HDAC9: variants seen among roughly 807,000 people sequenced by gnomAD.
HDAC9 encodes MEF-2 interacting transcription repressor (MITR) protein.
A neutral mutation model predicts 139.4 loss-of-function variants in HDAC9; 41 were observed. That is an observed-to-expected ratio of 0.29 (90% CI 0.23 to 0.38). The LOEUF is 0.38. HDAC9 is among the 10% of genes least tolerant of loss of function. The pLI is 1.00. For missense variants in HDAC9, 1,147 were observed against 1,297.0 expected, an observed-to-expected ratio of 0.88 and a Z score of 1.78; for synonymous variants, 517 against 476.2, an observed-to-expected ratio of 1.09 and a Z score of -1.12.
At chr7:18,457,826 A>G (rs1170092974) in intron 1 of HDAC9, among the ~76,000 whole-genome samples, 1 of 151,178 alleles carries the variant, frequency 6.6e-6, no homozygotes, top group African/African-American at 2.4e-5. Context: ...TTCTAAATTG[A>G]TTTTTCCTTG....
chr7:18,341,376 A>G (rs1781996965), intron 1 of HDAC9, among the ~76,000 whole-genome samples: 1 of 151,734 alleles, frequency 6.6e-6, no homozygotes. Flanking sequence ...AAATATATGT[A>G]ACTTAAAATG....
intron 1 of HDAC9, among the ~76,000 whole-genome samples, chr7:18,133,553 A>G (rs967514920): frequency 6.6e-6 from 1 of 152,138 alleles, no homozygotes; most frequent in African/African-American, 2.4e-5. Flanking sequence ...CCTGGGCTCA[A>G]TTTTGCAATT....
intron 1 of HDAC9, among the ~76,000 whole-genome samples, chr7:18,415,919 T>G (rs1789012424): frequency 6.6e-6 from 1 of 152,164 alleles, no homozygotes; most frequent in African/African-American, 2.4e-5. Context: ...CATCTATGCA[T>G]TTTTTTGTGA....
intron 24 of HDAC9, among the ~76,000 whole-genome samples, chr7:18,966,103 ATT>A (rs1783827920): frequency 6.6e-6 from 1 of 152,182 alleles, no homozygotes; most frequent in South Asian, 2.1e-4. Flanking sequence ...AGCTTCTATC[ATT>A]GTTTCCTCTG....
intron 24 of HDAC9, among the ~76,000 whole-genome samples, chr7:18,969,279 A>C (rs1439271422): frequency 1.3e-5 from 2 of 152,220 alleles, no homozygotes; most frequent in Non-Finnish European, 2.9e-5. Context: ...TACACAAGGC[A>C]TCAAACAGAG....
intron 1 of HDAC9, among the ~76,000 whole-genome samples, chr7:18,118,589 T>G (rs1784167653): frequency 6.6e-6 from 1 of 152,240 alleles, no homozygotes; most frequent in Non-Finnish European, 1.5e-5. Context: ...AATGATATAG[T>G]TGCTATTATT....
At chr7:18,153,666 T>C (rs1178460856) in intron 1 of HDAC9, among the ~76,000 whole-genome samples, 1 of 152,128 alleles carries the variant, frequency 6.6e-6, no homozygotes, top group Non-Finnish European at 1.5e-5. Flanking sequence ...TTGATTTAGT[T>C]CTAGGAAGTC....
chr7:18,870,664 A>G (rs1450890245), intron 21 of HDAC9, among the ~76,000 whole-genome samples: 2 of 152,108 alleles, frequency 1.3e-5, no homozygotes, highest in African/African-American at 2.4e-5. Context: ...CTTATTTATT[A>G]TCATTATTAT....
intron 1 of HDAC9, chr7:18,087,866 G>C (rs1416549835): frequency 6.6e-6 from 1 of 152,434 alleles, no homozygotes; most frequent in Non-Finnish European, 1.5e-5. Flanking sequence ...CTTTGAAGCC[G>C]TTATCCCCTT....
At chr7:18,687,090 G>A (rs553349045) in intron 12 of HDAC9, among the ~76,000 whole-genome samples, 1 of 151,902 alleles carries the variant, frequency 6.6e-6, no homozygotes, top group African/African-American at 2.4e-5. Context: ...AATTTTCCAA[G>A]TACCATGTGC....
At chr7:18,518,222 A>G (rs574934049) in intron 2 of HDAC9, among the ~76,000 whole-genome samples, 2 of 152,292 alleles carry the variant, frequency 1.3e-5, no homozygotes, top group African/African-American at 2.4e-5. Context: ...CTGACTTCTA[A>G]TGACTCATTT....
chr7:18,281,896 G>A (rs949355758), intron 2 of HDAC9, among the ~76,000 whole-genome samples: 1 of 152,190 alleles, frequency 6.6e-6, no homozygotes, highest in African/African-American at 2.4e-5. Context: ...AGAGAATACA[G>A]TGAACTTGGA....
chr7:18,967,509 A>ACC lies in HDAC9; in HGVS notation c.3023-8297_3023-8296insCC, dbSNP rs1563092948. Among the ~76,000 whole-genome samples, 334 of 130,980 alleles carry ACC rather than the reference A, an allele frequency of 2.6e-3. 10 individuals carry two copies. Among genetic ancestry groups the ACC allele is most frequent in the Middle Eastern group, 0.012 (3 of 260 alleles). 85.9% of individuals were successfully genotyped at this position (130,980 alleles called of 152,430 possible). A position where few individuals can be genotyped will look rare whatever the true frequency, so the allele number is the denominator to read the frequency against. ...GTAAATAAAGTTGCCCCCCCCCCAA[A>ACC]AAAAAAAAAGCAGGGTGTTATTGTG... On this transcript the variant is annotated intron_variant, in intron 24 of 25. Coordinates refer to ENST00000686413, the MANE Select transcript of HDAC9 (RefSeq NM_178425.4).
intron 1 of HDAC9, among the ~76,000 whole-genome samples, chr7:18,100,439 T>C (rs1782773560): frequency 1.3e-5 from 2 of 152,172 alleles, no homozygotes; most frequent in Admixed American, 1.3e-4. Flanking sequence ...TCCAGTTGCA[T>C]GTATATTAGG....
chr7:18,714,901 A>G (rs1784592020), intron 12 of HDAC9, among the ~76,000 whole-genome samples: 1 of 152,224 alleles, frequency 6.6e-6, no homozygotes, highest in East Asian at 1.9e-4. Flanking sequence ...GCTTAATATA[A>G]TGGATATACG....
chr7:18,489,939 T>C (rs1357928885), intron 1 of HDAC9, among the ~76,000 whole-genome samples: 1 of 152,022 alleles, frequency 6.6e-6, no homozygotes, highest in Admixed American at 6.6e-5. Context: ...GCCCATCATC[T>C]TAAGAGTACA....
intron 2 of HDAC9, among the ~76,000 whole-genome samples, chr7:18,179,584 A>T (rs528565547): frequency 6.6e-6 from 1 of 152,260 alleles, no homozygotes; most frequent in East Asian, 1.9e-4. Context: ...CCTAAGGAAA[A>T]ATGGTGTTCA....
intron 2 of HDAC9, among the ~76,000 whole-genome samples, chr7:18,163,361 A>G (rs1166683795): frequency 6.6e-6 from 1 of 152,212 alleles, no homozygotes; most frequent in African/African-American, 2.4e-5. Flanking sequence ...GGTTAGGCAG[A>G]TGGCAGTTAC....
At chr7:18,149,705 C>T (rs768657419) in intron 1 of HDAC9, among the ~76,000 whole-genome samples, 1 of 151,332 alleles carries the variant, frequency 6.6e-6, no homozygotes, top group Non-Finnish European at 1.5e-5. Context: ...TGCCCACCAC[C>T]ACGCCCAACT....
Sources: gnomAD v4.1 joint callset for allele counts (sites outside exome capture counted in the v4.1 genomes callset) on GRCh38, gnomAD v4.1.1 for gene constraint, MANE v1.5 for transcripts, NCBI Gene and HGNC (gene_info 2026-07-23, HGNC 2026-07-21) for gene names.